Variants in CCDC30 observed in about 807,000 individuals in gnomAD.
CCDC30 encodes the protein coiled-coil domain-containing protein 30.
Under a neutral mutation model 100.2 loss-of-function variants are expected in CCDC30, and 70 were observed. That is an observed-to-expected ratio of 0.70 (90% CI 0.58 to 0.85). CCDC30 has a LOEUF of 0.85. Among genes scored for constraint, CCDC30 ranks in the 40% least tolerant of loss-of-function variants. The pLI is 0.00. For synonymous variants in CCDC30, 233 were observed against 269.5 expected, an observed-to-expected ratio of 0.86 and a Z score of 1.33; for missense variants, 652 against 771.2, an observed-to-expected ratio of 0.85 and a Z score of 1.83.
chr1:42,514,302 CCTT>C (rs1644522276), intron 6 of CCDC30, among the ~76,000 whole-genome samples: 1 of 152,130 alleles, frequency 6.6e-6, no homozygotes, highest in South Asian at 2.1e-4. Flanking sequence ...CTACATTTAA[CCTT>C]CTGAGGAACT....
intron 1 of CCDC30, among the ~76,000 whole-genome samples, chr1:42,472,514 T>G (rs529364423): frequency 2.0e-5 from 3 of 152,096 alleles, no homozygotes; most frequent in Non-Finnish European, 4.4e-5. Context: ...CTCTCTAGCT[T>G]CCAGAGGAAT....
chr1:42,600,659 G>T (rs1244835232), intron 10 of CCDC30, among the ~76,000 whole-genome samples: 1 of 152,186 alleles, frequency 6.6e-6, no homozygotes, highest in African/African-American at 2.4e-5. Flanking sequence ...GTTGACTTGT[G>T]ATCCCAAGTG....
intron 11 of CCDC30, among the ~76,000 whole-genome samples, chr1:42,615,712 A>G (rs908788516): frequency 1.3e-5 from 2 of 152,206 alleles, no homozygotes; most frequent in Non-Finnish European, 2.9e-5. Context: ...TTTAGCAACA[A>G]GGAAGTGGAC....
intron 6 of CCDC30, among the ~76,000 whole-genome samples, chr1:42,523,077 A>G (rs1349261677): frequency 1.3e-5 from 2 of 152,026 alleles, no homozygotes; most frequent in Non-Finnish European, 2.9e-5. Flanking sequence ...TAATCTGCCC[A>G]CCTCAGCCTC....
chr1:42,459,591 T>C, upstream of CCDC30: 1 of 1,602,270 alleles, frequency 6.2e-7, no homozygotes, highest in Non-Finnish European at 8.5e-7. Context: ...AGCTTTTCTT[T>C]TTCCAATACA....
chr1:42,554,030 C>T (rs568362665), intron 6 of CCDC30, among the ~76,000 whole-genome samples: 2 of 151,964 alleles, frequency 1.3e-5, no homozygotes, highest in Non-Finnish European at 2.9e-5. Context: ...TGTGTACACA[C>T]GTTAATACAT....
intron 1 of CCDC30, among the ~76,000 whole-genome samples, chr1:42,478,095 A>G (rs1643903617): frequency 2.6e-5 from 4 of 152,220 alleles, no homozygotes; most frequent in Admixed American, 2.6e-4. Context: ...GCATACAAAT[A>G]TTTTTGAACA....
chr1:42,539,969 C>G (rs1644981225), intron 6 of CCDC30, among the ~76,000 whole-genome samples: 1 of 151,568 alleles, frequency 6.6e-6, no homozygotes, highest in Non-Finnish European at 1.5e-5. Context: ...GGATTCCCAT[C>G]TAGTCCAATA....
chr1:42,491,040 A>C (rs905536341), intron 4 of CCDC30, among the ~76,000 whole-genome samples: 10 of 152,246 alleles, frequency 6.6e-5, no homozygotes, highest in Non-Finnish European at 1.3e-4. Flanking sequence ...TAACGGTAAC[A>C]GCTAAAAAAT....
intron 12 of CCDC30, among the ~76,000 whole-genome samples, chr1:42,640,290 A>G (rs547164901): frequency 6.6e-6 from 1 of 152,202 alleles, no homozygotes; most frequent in African/African-American, 2.4e-5. Context: ...AGACTTTCCC[A>G]TTTTATCCTA....
chr1:42,597,453 T>C (rs1023101588), intron 10 of CCDC30, among the ~76,000 whole-genome samples: 5 of 152,038 alleles, frequency 3.3e-5, no homozygotes, highest in Non-Finnish European at 2.9e-5. Flanking sequence ...GGAACAAAGA[T>C]AAGAATTACT....
chr1:42,490,272 A>G, intron 4 of CCDC30, 43 bp downstream of exon 4: 1 of 945,620 alleles, frequency 1.1e-6, no homozygotes, highest in South Asian at 5.4e-5. Context: ...TTTAGTAGCC[A>G]AGAATGGTGG....
At chr1:42,520,015 T>C (rs955265324) in intron 6 of CCDC30, among the ~76,000 whole-genome samples, 1 of 152,170 alleles carries the variant, frequency 6.6e-6, no homozygotes, top group Non-Finnish European at 1.5e-5. Context: ...TCTTAGTAAA[T>C]ATAATTAAAG....
intron 5 of CCDC30, among the ~76,000 whole-genome samples, chr1:42,498,557 A>G (rs1010105250): frequency 6.6e-6 from 1 of 152,228 alleles, no homozygotes; most frequent in Non-Finnish European, 1.5e-5. Context: ...AAATTTATGT[A>G]TCTAATACAT....
intron 6 of CCDC30, among the ~76,000 whole-genome samples, chr1:42,528,165 C>T (rs897267058): frequency 1.3e-5 from 2 of 152,180 alleles, no homozygotes; most frequent in African/African-American, 4.8e-5. Context: ...TGAGCCCGGC[C>T]TCCTCTACCT....
intron 7 of CCDC30, among the ~76,000 whole-genome samples, chr1:42,568,567 T>C (rs1645657159): frequency 6.6e-6 from 1 of 152,156 alleles, no homozygotes; most frequent in Non-Finnish European, 1.5e-5. Flanking sequence ...TCTTGCCATA[T>C]TACACCCCTC....
chr1:42,549,915 C>T (rs1227849749), intron 6 of CCDC30, among the ~76,000 whole-genome samples: 1 of 152,222 alleles, frequency 6.6e-6, no homozygotes, highest in Non-Finnish European at 1.5e-5. Flanking sequence ...CTCTCATTCA[C>T]TATTTCATTG....
intron 1 of CCDC30, among the ~76,000 whole-genome samples, chr1:42,471,071 A>G (rs1034509522): frequency 9.2e-5 from 14 of 152,206 alleles, no homozygotes; most frequent in African/African-American, 3.4e-4. Context: ...GGCTGTTGAT[A>G]AGGACTCAGG....
chr1:42,619,412 CA>C (rs1646787346), intron 11 of CCDC30, among the ~76,000 whole-genome samples: 1 of 152,070 alleles, frequency 6.6e-6, no homozygotes, highest in African/African-American at 2.4e-5. Flanking sequence ...AATCAACTGA[CA>C]AAAGGCAGAT....
Sources: allele counts gnomAD v4.1 joint callset (sites outside exome capture counted in the v4.1 genomes callset), GRCh38; gene constraint gnomAD v4.1.1; transcripts MANE v1.5; gene names NCBI Gene and HGNC (gene_info 2026-07-23, HGNC 2026-07-21).